ADAMTSL1: variants seen among roughly 807,000 people sequenced by gnomAD.
ADAMTSL1 encodes the protein ADAMTS-like protein 1.
ADAMTSL1 carries 126 observed loss-of-function variants against 201.8 expected under a neutral mutation model. The ratio of observed to expected loss-of-function variants is 0.62; its 90% confidence interval spans 0.54 to 0.72. The LOEUF (loss-of-function observed/expected upper bound fraction) is 0.72, where lower values mean the gene tolerates loss of function less well. Among genes scored for constraint, ADAMTSL1 ranks in the 30% least tolerant of loss-of-function variants. The pLI is 0.00. For synonymous variants in ADAMTSL1, 1,121 were observed against 903.4 expected, an observed-to-expected ratio of 1.24 and a Z score of -4.32; for missense variants, 2,679 against 2,277.8, an observed-to-expected ratio of 1.18 and a Z score of -3.59.
At chr9:18,889,522 C>T in intron 24 of ADAMTSL1, 46 bp from the exon 25 acceptor site, 3 of 1,593,978 alleles carry the variant, frequency 1.9e-6, no homozygotes, top group African/African-American at 1.3e-5. Flanking sequence ...AGAGTGTGGG[C>T]AATTATGCTA....
rs79218133 is a variant in ADAMTSL1, at chr9:18,516,225, T to C, written c.191+11269T>C. Among the ~76,000 whole-genome samples, 1,469 of 151,960 alleles carry C rather than the reference T, an allele frequency of 9.7e-3. 18 individuals are homozygous for C. The highest frequency in any genetic ancestry group is 0.045 in the East Asian group (232 of 5,102). On this transcript the variant is annotated intron_variant, in intron 2 of 28. Transcript: ENST00000380548. ...CCCTGTTTTCCTTAGTTTCAGTCAC[T>C]GAGAAAGAGAGAGAAAGAAAGAAAG... is the stretch of plus-strand genomic sequence containing the variant.
intron 1 of ADAMTSL1, among the ~76,000 whole-genome samples, chr9:17,970,088 A>C (rs993785890): frequency 2.6e-5 from 4 of 152,126 alleles, no homozygotes; most frequent in Non-Finnish European, 4.4e-5. Context: ...TATGTTTCTA[A>C]TTGGGTATTA....
chr9:18,839,092 C>G (rs371380336), intron 23 of ADAMTSL1, among the ~76,000 whole-genome samples: 14 of 150,074 alleles, frequency 9.3e-5, no homozygotes, highest in Admixed American at 6.6e-4. Context: ...GTGCAGGTTA[C>G]TTACATATGT....
intron 2 of ADAMTSL1, among the ~76,000 whole-genome samples, chr9:18,399,593 T>C (rs1301835880): frequency 6.6e-6 from 1 of 151,624 alleles, no homozygotes; most frequent in East Asian, 2.0e-4. Context: ...TCAAGTGATC[T>C]ACCCGCCTCG....
chr9:18,338,861 T>C (rs1485568375), intron 2 of ADAMTSL1, among the ~76,000 whole-genome samples: 1 of 152,058 alleles, frequency 6.6e-6, no homozygotes, highest in Non-Finnish European at 1.5e-5. Flanking sequence ...CACTTATAAG[T>C]GAGAGTATGT....
intron 9 of ADAMTSL1, among the ~76,000 whole-genome samples, chr9:18,664,776 A>G (rs1829329156): frequency 6.6e-6 from 1 of 152,126 alleles, no homozygotes; most frequent in African/African-American, 2.4e-5. Context: ...TATATTTATT[A>G]CTTTACCCTT....
intron 1 of ADAMTSL1, among the ~76,000 whole-genome samples, chr9:18,503,397 T>C (rs1034400490): frequency 1.8e-5 from 2 of 108,912 alleles, no homozygotes; most frequent in East Asian, 2.7e-4. Context: ...TCTTCCTTTT[T>C]AAGGCTGAAT....
intron 2 of ADAMTSL1, among the ~76,000 whole-genome samples, chr9:18,423,411 G>A (rs1191030974): frequency 4.6e-5 from 7 of 152,188 alleles, no homozygotes; most frequent in Admixed American, 3.9e-4. Context: ...TTCCCCGTTA[G>A]ATTCACACTC....
chr9:18,864,160 T>C (rs147653591), intron 23 of ADAMTSL1, among the ~76,000 whole-genome samples: 75 of 152,288 alleles, frequency 4.9e-4, no homozygotes, highest in African/African-American at 1.7e-3. Context: ...CTCTTTTAGA[T>C]TGTATATTCT....
At chr9:18,717,979 C>G (rs1833060641) in intron 14 of ADAMTSL1, 1 of 1,577,870 alleles carries the variant, frequency 6.3e-7, no homozygotes, top group Non-Finnish European at 8.7e-7. Context: ...TACATTAAAG[C>G]AGCTGACATG....
chr9:18,319,631 G>A (rs745667228), intron 2 of ADAMTSL1, among the ~76,000 whole-genome samples: 8 of 152,138 alleles, frequency 5.3e-5, no homozygotes, highest in Non-Finnish European at 1.2e-4. Context: ...CCCCATCCAG[G>A]AGGGGGTCTG....
intron 2 of ADAMTSL1, among the ~76,000 whole-genome samples, chr9:18,243,958 T>C (rs764287007): frequency 3.9e-5 from 6 of 152,124 alleles, no homozygotes; most frequent in Non-Finnish European, 7.3e-5. Flanking sequence ...TATGCTCTTC[T>C]TCAATGAGAT....
intron 1 of ADAMTSL1, among the ~76,000 whole-genome samples, chr9:17,932,076 C>G (rs2131321062): frequency 6.6e-6 from 1 of 152,312 alleles, no homozygotes; most frequent in East Asian, 1.9e-4. Flanking sequence ...GGCAACATGC[C>G]ATTTCCTGCC....
At chr9:18,292,539 G>T (rs1269024046) in intron 2 of ADAMTSL1, among the ~76,000 whole-genome samples, 2 of 152,136 alleles carry the variant, frequency 1.3e-5, no homozygotes, top group Non-Finnish European at 2.9e-5. Context: ...GGGAGAGACA[G>T]ACCCTCCCTC....
intron 7 of ADAMTSL1, among the ~76,000 whole-genome samples, chr9:18,650,427 T>C (rs1475804477): frequency 6.6e-6 from 1 of 151,926 alleles, no homozygotes; most frequent in Non-Finnish European, 1.5e-5. Context: ...TGGCACTCCC[T>C]AGTGAGATGA....
At chr9:18,694,739 G>C (rs943900387) in intron 13 of ADAMTSL1, among the ~76,000 whole-genome samples, 2 of 152,130 alleles carry the variant, frequency 1.3e-5, no homozygotes, top group African/African-American at 4.8e-5. Flanking sequence ...CCATTCTGGG[G>C]TCTGCAGGAT....
rs537659921 is a variant in ADAMTSL1 at position 18,125,242 on chromosome 9, A to T, written c.88-38620A>T. Reference sequence around the variant, plus strand: ...TGGCAGCAGGGAAAGAGAGAGCCTGAGCAGAGAAACTCCTGTTTTTAAAAC... The same window carrying T: ...TGGCAGCAGGGAAAGAGAGAGCCTGTGCAGAGAAACTCCTGTTTTTAAAAC... On this transcript the variant is annotated intron_variant, in intron 1 of 29. Transcript: ENST00000680146. Among the ~76,000 whole-genome samples, 58 of 152,228 alleles carry T rather than the reference A, an allele frequency of 3.8e-4. No individual in the cohort carries two copies. The South Asian group carries it at 0.011, about 30-fold the overall frequency.
intron 20 of ADAMTSL1, among the ~76,000 whole-genome samples, chr9:18,813,492 A>G (rs1823642040): frequency 1.3e-5 from 2 of 152,088 alleles, no homozygotes; most frequent in Admixed American, 1.3e-4. Context: ...TGTCCTTTTC[A>G]ATTTCTTTCA....
rs182810350 is a variant in ADAMTSL1, at chr9:18,283,810, G to A, written c.207+119829G>A. On this transcript the variant is annotated intron_variant, in intron 2 of 29. Transcript: ENST00000680146. ...GCCTGTAGTCCCAGCTACTCGGGAGGCTGAGGCAGGAGAATGGCATGAACC... is the reference window on the plus strand; with the variant it reads ...GCCTGTAGTCCCAGCTACTCGGGAGACTGAGGCAGGAGAATGGCATGAACC... Among the ~76,000 whole-genome samples, 473 of 149,926 alleles carry A rather than the reference G, an allele frequency of 3.2e-3. 2 individuals carry two copies. The highest frequency in any genetic ancestry group is 0.011 in the African/African-American group (428 of 40,690).
Sources: allele counts gnomAD v4.1 joint callset (sites outside exome capture counted in the v4.1 genomes callset), GRCh38; gene constraint gnomAD v4.1.1; transcripts MANE v1.5; gene names NCBI Gene and HGNC (gene_info 2026-07-23, HGNC 2026-07-21).